The following RAB33B variants were observed in gnomAD, a reference collection of about 807,000 sequenced individuals.
RAB33B encodes ras-related protein Rab-33B.
A neutral mutation model predicts 15.0 loss-of-function variants in RAB33B; 6 were observed. The observed-to-expected ratio is 0.40, with a 90% CI of 0.22 to 0.79. The LOEUF (loss-of-function observed/expected upper bound fraction) is 0.79, where lower values mean the gene tolerates loss of function less well. Ranked by LOEUF, RAB33B falls within the 30% of genes least tolerant of loss-of-function variation. The pLI is 0.37. For synonymous variants in RAB33B, 117 were observed against 108.3 expected, an observed-to-expected ratio of 1.08 and a Z score of -0.50; for missense variants, 257 against 296.4, an observed-to-expected ratio of 0.87 and a Z score of 0.98.
intron 1 of RAB33B, among the ~76,000 whole-genome samples, chr4:139,459,143 A>C (rs1050654371): frequency 1.1e-4 from 16 of 151,888 alleles, no homozygotes; most frequent in East Asian, 1.9e-4. Context: ...AAAAAAAAAA[A>C]AAAAACCTTC....
chr4:139,454,000 G>GGCGGGCGGGTGCCACACCTGT (rs1750005957), upstream of RAB33B: 1 of 505,154 alleles, frequency 2.0e-6, no homozygotes, highest in East Asian at 3.8e-5. Context: ...CGTGCGGCGG[G>GGCGGGCGGGTGCCACACCTGT]GCGGGCGGGT....
the RAB33B span, among the ~76,000 whole-genome samples, chr4:139,441,778 T>C: frequency 6.6e-6 from 1 of 152,194 alleles, no homozygotes; most frequent in African/African-American, 2.4e-5. Context: ...AGTGAAACCG[T>C]CGTAAATCAG....
chr4:139,440,176 A>G, the RAB33B span, among the ~76,000 whole-genome samples: 3 of 152,164 alleles, frequency 2.0e-5, no homozygotes, highest in Non-Finnish European at 4.4e-5. Context: ...AGTCTGAAGT[A>G]TAAATCTAAG....
chr4:139,449,948 A>G (rs1348048754), upstream of RAB33B: 1 of 152,176 alleles, frequency 6.6e-6, no homozygotes, highest in Non-Finnish European at 1.5e-5. Context: ...AACCTTTCTT[A>G]CTGTGAACAT....
At chr4:139,452,871 C>T (rs1048176689), upstream of RAB33B, 1 of 152,222 alleles carries the variant, frequency 6.6e-6, no homozygotes, top group Admixed American at 6.5e-5. Flanking sequence ...TCTGCCATGT[C>T]CTCCTCTCCG....
intron 1 of RAB33B, among the ~76,000 whole-genome samples, chr4:139,459,796 G>A (rs910179101): frequency 4.6e-5 from 7 of 151,896 alleles, no homozygotes; most frequent in Non-Finnish European, 7.4e-5. Context: ...ACCCCACCCC[G>A]CTAATTTTTT....
At chr4:139,463,706 C>T (rs1042816961) in intron 1 of RAB33B, among the ~76,000 whole-genome samples, 41 of 152,324 alleles carry the variant, frequency 2.7e-4, no homozygotes, top group African/African-American at 9.1e-4. Context: ...TAGTGTCTGT[C>T]TGTCTGTCTC....
At chr4:139,472,585 T>G (rs1242888082) in intron 1 of RAB33B, 101 bp from the exon 2 acceptor site, 10 of 878,620 alleles carry the variant, frequency 1.1e-5, no homozygotes, top group Admixed American at 2.9e-5. Flanking sequence ...CAAAATATTT[T>G]AAGTGAAGAG....
chr4:139,448,226 C>T, the RAB33B span, among the ~76,000 whole-genome samples: 9 of 152,068 alleles, frequency 5.9e-5, no homozygotes, highest in Non-Finnish European at 8.8e-5. Flanking sequence ...GTTTGGGTTA[C>T]GCCACCAGGA....
In RAB33B at chr4:139,454,194, G is replaced by C; in HGVS notation, c.-2G>C. Reference sequence around the variant, plus strand: ...CGCCTCAGTTTGGGGCGGGTCGGGGGAATGGCTGAGGAGATGGAGTCGTCG... The same window carrying C: ...CGCCTCAGTTTGGGGCGGGTCGGGGCAATGGCTGAGGAGATGGAGTCGTCG... On this transcript the variant is annotated 5_prime_UTR_variant, in exon 1 of 2. Coordinates refer to ENST00000305626, the MANE Select transcript of RAB33B (RefSeq NM_031296.3). 1 of 1,609,208 alleles carries C rather than the reference G, an allele frequency of 6.2e-7. No homozygotes were observed. Among genetic ancestry groups the C allele is most frequent in the South Asian group, 1.1e-5 (1 of 90,604 alleles).
chr4:139,439,143 G>C, the RAB33B span, among the ~76,000 whole-genome samples: 1 of 152,110 alleles, frequency 6.6e-6, no homozygotes. Context: ...TGGGACTACA[G>C]GCACCCACTA....
At chr4:139,469,945 G>T (rs1750359426) in intron 1 of RAB33B, among the ~76,000 whole-genome samples, 1 of 152,110 alleles carries the variant, frequency 6.6e-6, no homozygotes, top group African/African-American at 2.4e-5. Flanking sequence ...ACTGCACTAG[G>T]TCAAAGCCCC....
At chr4:139,448,633 G>C (rs1241879412), upstream of RAB33B, 1 of 152,094 alleles carries the variant, frequency 6.6e-6, no homozygotes, top group Non-Finnish European at 1.5e-5. Flanking sequence ...GGCCAGGCTG[G>C]TCCTGAACTC....
chr4:139,461,258 T>A (rs1044472641), intron 1 of RAB33B, among the ~76,000 whole-genome samples: 14 of 152,092 alleles, frequency 9.2e-5, no homozygotes, highest in African/African-American at 3.4e-4. Flanking sequence ...CAGTGGTTCA[T>A]GTGAATGGAA....
chr4:139,444,473 T>C, the RAB33B span, among the ~76,000 whole-genome samples: 1 of 152,084 alleles, frequency 6.6e-6, no homozygotes, highest in Non-Finnish European at 1.5e-5. Flanking sequence ...CCCCGCTATA[T>C]TACCGACAAT....
intron 1 of RAB33B, among the ~76,000 whole-genome samples, chr4:139,466,252 A>G (rs765732531): frequency 6.6e-6 from 1 of 152,212 alleles, no homozygotes; most frequent in Non-Finnish European, 1.5e-5. Flanking sequence ...TTGTTTTTAT[A>G]AATGACATGC....
In RAB33B at chr4:139,454,451, G is replaced by A. The variant is rs1428615120; in HGVS notation, c.249+7G>A. The A allele has an allele frequency of 6.2e-7, 1 of 1,605,546 alleles. No individual in the cohort carries two copies. ...TGATGGGGAGCGCATCAAGGTGAGC[G>A]GATGGGGAACTGTTGGGGAGGACAG... On this transcript the variant is annotated splice_region_variant and intron_variant, in intron 1 of 1. Coordinates refer to ENST00000305626, the MANE Select transcript of RAB33B (RefSeq NM_031296.3).
At position 139,454,303 on chromosome 4, in the gene RAB33B, A is replaced by C; in HGVS notation, c.108A>C (p.Ile36=). ...CTGCCCGCTCCCGCATCTTCAAGAT[A>C]ATCGTGATCGGCGACTCCAATGTGG... ...LPPARSRIFK[I]IVIGDSNVGK... is the part of the protein sequence containing the mutation. The change falls in exon 1 of 2, where the codon ATA becomes ATC. Residue 36 remains isoleucine (I), a synonymous_variant. Coordinates refer to ENST00000305626, the MANE Select transcript of RAB33B (RefSeq NM_031296.3). 1 of 1,614,142 alleles carries C rather than the reference A, an allele frequency of 6.2e-7. No homozygotes were observed.
chr4:139,442,862 T>C, the RAB33B span, among the ~76,000 whole-genome samples: 1 of 152,164 alleles, frequency 6.6e-6, no homozygotes, highest in Admixed American at 6.5e-5. Flanking sequence ...GGAGTGATTC[T>C]ACAGGAACAG....
Sources: gnomAD v4.1 joint callset for allele counts (sites outside exome capture counted in the v4.1 genomes callset) on GRCh38, gnomAD v4.1.1 for gene constraint, MANE v1.5 for transcripts, NCBI Gene and HGNC (gene_info 2026-07-23, HGNC 2026-07-21) for gene names.